AFF3: variants seen among roughly 807,000 people sequenced by gnomAD.
AFF3 encodes the protein ALF transcription elongation factor 3, also known as AF4/FMR2 family member 3.
In AFF3, 32 loss-of-function variants were observed where a neutral mutation model predicts 129.7. The ratio of observed to expected loss-of-function variants is 0.25; its 90% CI spans 0.19 to 0.33. AFF3 has a LOEUF of 0.33. Among genes scored for constraint, AFF3 ranks in the 10% least tolerant of loss-of-function variants. The pLI is 1.00. For missense variants in AFF3, 1,373 were observed against 1,592.0 expected, an observed-to-expected ratio of 0.86 and a Z score of 2.34; for synonymous variants, 644 against 635.4, an observed-to-expected ratio of 1.01 and a Z score of -0.20.
intron 7 of AFF3, among the ~76,000 whole-genome samples, chr2:99,965,959 T>C (rs1677700714): frequency 6.6e-6 from 1 of 152,336 alleles, no homozygotes; most frequent in Admixed American, 6.5e-5. Context: ...AGTAGAAATA[T>C]ACTATACATG....
At chr2:99,948,896 A>C (rs562037256) in intron 7 of AFF3, among the ~76,000 whole-genome samples, 3 of 152,232 alleles carry the variant, frequency 2.0e-5, no homozygotes, top group Non-Finnish European at 2.9e-5. Flanking sequence ...GAAAACCTCC[A>C]AAGTATCCTC....
chr2:99,607,985 C>T (rs1680542716), intron 13 of AFF3, among the ~76,000 whole-genome samples: 1 of 152,210 alleles, frequency 6.6e-6, no homozygotes, highest in Admixed American at 6.5e-5. Flanking sequence ...ACCCAACTGG[C>T]AGGACTGTTG....
chr2:100,062,694 A>G (rs1687388759), intron 4 of AFF3, among the ~76,000 whole-genome samples: 1 of 152,166 alleles, frequency 6.6e-6, no homozygotes, highest in South Asian at 2.1e-4. Flanking sequence ...AGCAAAAGCA[A>G]ATACTCTGAG....
chr2:99,906,844 T>TACACACACACAC (rs56113249), intron 7 of AFF3, among the ~76,000 whole-genome samples: 24 of 146,348 alleles, frequency 1.6e-4, no homozygotes, highest in African/African-American at 6.0e-4. Flanking sequence ...CTATCCATAT[T>TACACACACACAC]ACACACACAC....
chr2:99,656,419 T>C (rs1023324211), intron 12 of AFF3, among the ~76,000 whole-genome samples: 4 of 152,198 alleles, frequency 2.6e-5, no homozygotes, highest in South Asian at 2.1e-4. Context: ...TGATAGGACA[T>C]TGTATCCATA....
intron 10 of AFF3, among the ~76,000 whole-genome samples, chr2:99,730,060 T>C (rs1679691522): frequency 6.6e-6 from 1 of 152,224 alleles, no homozygotes; most frequent in African/African-American, 2.4e-5. Flanking sequence ...TTATACACTT[T>C]CAATTTGACA....
rs542833809 is a variant in AFF3 at position 99,881,590 on chromosome 2, GA to G, written c.874-44067del. 6.8e-4 allele frequency among the ~76,000 whole-genome samples: 102 copies of G among 149,142 alleles called. 1 individual carries two copies. Among genetic ancestry groups the G allele is most frequent in the African/African-American group, 2.0e-3 (83 of 40,728 alleles). On this transcript the variant is annotated intron_variant, in intron 7 of 24. Coordinates refer to ENST00000672756, the MANE Select transcript of AFF3 (RefSeq NM_001386135.1). ...TACTATGGGATTGGTGATTTGAAAA[GA>G]AAAAAAAAATCGCATTTTAAAATGG... is the stretch of plus-strand genomic sequence containing the variant.
At chr2:100,060,803 G>T (rs984178764) in intron 4 of AFF3, among the ~76,000 whole-genome samples, 1 of 151,998 alleles carries the variant, frequency 6.6e-6, no homozygotes, top group Non-Finnish European at 1.5e-5. Context: ...TTGACTACAC[G>T]CTACACTTTC....
intron 7 of AFF3, among the ~76,000 whole-genome samples, chr2:99,972,057 T>C (rs896107613): frequency 1.3e-5 from 2 of 152,158 alleles, no homozygotes; most frequent in African/African-American, 4.8e-5. Flanking sequence ...TCTCCTTACC[T>C]AGGGCCAGCT....
chr2:99,740,465 C>T (rs1334080252), intron 10 of AFF3, among the ~76,000 whole-genome samples: 1 of 146,796 alleles, frequency 6.8e-6, no homozygotes, highest in Admixed American at 6.8e-5. Flanking sequence ...CACATCCTCT[C>T]CAGCACCTGT....
intron 19 of AFF3, among the ~76,000 whole-genome samples, chr2:99,566,976 T>G (rs189234569): frequency 6.6e-6 from 1 of 151,714 alleles, no homozygotes; most frequent in East Asian, 1.9e-4. Context: ...TTTTCTTTTT[T>G]TTTTTTTTGG....
At chr2:99,887,443 G>A (rs998373169) in intron 7 of AFF3, among the ~76,000 whole-genome samples, 1 of 152,172 alleles carries the variant, frequency 6.6e-6, no homozygotes, top group African/African-American at 2.4e-5. Flanking sequence ...CACTGTGCTT[G>A]TTAATTTAGA....
intron 13 of AFF3, among the ~76,000 whole-genome samples, chr2:99,625,634 AG>A (rs1188553967): frequency 6.6e-6 from 1 of 152,172 alleles, no homozygotes; most frequent in African/African-American, 2.4e-5. Context: ...GACAAGCGAG[AG>A]GATTAATTAT....
chr2:100,126,884 T>A (rs1352752766), intron 2 of AFF3, among the ~76,000 whole-genome samples: 4 of 152,204 alleles, frequency 2.6e-5, no homozygotes, highest in African/African-American at 7.2e-5. Context: ...AATGAAAAGG[T>A]GGAGTTGTGT....
At chr2:100,031,598 C>A (rs553104791) in intron 4 of AFF3, among the ~76,000 whole-genome samples, 8 of 152,088 alleles carry the variant, frequency 5.3e-5, no homozygotes, top group African/African-American at 1.7e-4. Context: ...AGGACTGGGG[C>A]AAAAAATATA....
At chr2:99,578,851 G>A (rs1476289133) in intron 17 of AFF3, among the ~76,000 whole-genome samples, 1 of 152,176 alleles carries the variant, frequency 6.6e-6, no homozygotes, top group South Asian at 2.1e-4. Context: ...ATCCTCCAGG[G>A]GGCTGGTGAA....
chr2:100,078,634 T>G (rs1386947949), intron 4 of AFF3, among the ~76,000 whole-genome samples: 1 of 152,174 alleles, frequency 6.6e-6, no homozygotes, highest in Non-Finnish European at 1.5e-5. Flanking sequence ...CTGAGTTAAA[T>G]GGACTTGTAA....
intron 7 of AFF3, among the ~76,000 whole-genome samples, chr2:99,967,682 T>C (rs1204015445): frequency 2.6e-5 from 4 of 152,230 alleles, no homozygotes; most frequent in African/African-American, 9.6e-5. Context: ...GGTACCACCA[T>C]ATCCTTAAAC....
intron 12 of AFF3, among the ~76,000 whole-genome samples, chr2:99,665,748 C>T (rs1370665712): frequency 1.3e-5 from 2 of 152,198 alleles, no homozygotes; most frequent in Non-Finnish European, 2.9e-5. Context: ...CAGGAATAAA[C>T]ATGGAAAGTT....
Sources: gnomAD v4.1 joint callset for allele counts (sites outside exome capture counted in the v4.1 genomes callset) on GRCh38, gnomAD v4.1.1 for gene constraint, MANE v1.5 for transcripts, NCBI Gene and HGNC (gene_info 2026-07-23, HGNC 2026-07-21) for gene names.